The following SULT2B1 variants were observed in gnomAD, a reference collection of about 807,000 sequenced individuals.
SULT2B1 encodes sulfotransferase 2B1.
Under a neutral mutation model 33.2 loss-of-function variants are expected in SULT2B1, and 16 were observed. That is an observed-to-expected ratio of 0.48 (90% CI 0.33 to 0.73). The LOEUF is 0.73. Among genes scored for constraint, SULT2B1 ranks in the 30% least tolerant of loss-of-function variants. The pLI is 0.02. For synonymous variants in SULT2B1, 186 were observed against 200.5 expected (o/e 0.93, Z 0.61); for missense variants, 500 against 506.0 (o/e 0.99, Z 0.11).
At chr19:48,591,472 CA>C (rs374133599) in intron 3 of SULT2B1, 136 bp from the exon 4 acceptor site, 14,309 of 883,750 alleles carry the variant, frequency 0.016, no homozygotes, top group South Asian at 0.024. Context: ...GACTCCATCG[CA>C]AAAAAAAAAG....
chr19:48,575,900 T>A (rs1601098256), intron 1 of SULT2B1, 41 bp from the exon 2 acceptor site: 1 of 1,589,472 alleles, frequency 6.3e-7, no homozygotes, highest in Admixed American at 1.7e-5. Flanking sequence ...AGCACCCACC[T>A]CCCTACTCTC....
At position 48,573,128 on chromosome 19, in the gene SULT2B1, G is replaced by C. The variant is rs190188514; in HGVS notation, c.72-2813G>C. The stretch of plus-strand genomic sequence containing the variant: ...GCCGAGATCGTGTCACTGTACTCCA[G>C]CCTGGTGACAGAGCAGGACTCCATC... On this transcript the variant is annotated intron_variant, in intron 1 of 6. Transcript: ENST00000201586. Among the ~76,000 whole-genome samples the C allele has an allele frequency of 7.5e-3, 1,113 of 147,482 alleles. 12 individuals are homozygous for C. Among genetic ancestry groups the C allele is most frequent in the African/African-American group, 0.027 (1,053 of 39,454 alleles).
At chr19:48,575,054 A>G (rs116506979) in intron 1 of SULT2B1, among the ~76,000 whole-genome samples, 2,275 of 147,874 alleles carry the variant, frequency 0.015, 60 homozygotes, top group African/African-American at 0.053. Context: ...AATAATTTTA[A>G]CTCAAAGTTA....
At chr19:48,577,226 T>C (rs1270997815) in intron 2 of SULT2B1, among the ~76,000 whole-genome samples, 1 of 150,746 alleles carries the variant, frequency 6.6e-6, no homozygotes, top group Non-Finnish European at 1.5e-5. Context: ...TTATTTTATT[T>C]TTGTATTTTT....
intron 3 of SULT2B1, among the ~76,000 whole-genome samples, chr19:48,590,289 G>A (rs970160415): frequency 4.0e-5 from 6 of 151,770 alleles, no homozygotes; most frequent in Admixed American, 2.0e-4. Context: ...GTGCCTGGCC[G>A]ACAAGACCTT....
intron 1 of SULT2B1, among the ~76,000 whole-genome samples, chr19:48,571,824 T>C (rs1468674217): frequency 6.6e-6 from 1 of 151,924 alleles, no homozygotes; most frequent in Non-Finnish European, 1.5e-5. Context: ...AACAGGATGC[T>C]GTAGGGTAGC....
intron 1 of SULT2B1, among the ~76,000 whole-genome samples, chr19:48,567,253 G>A (rs772275240): frequency 1.1e-4 from 17 of 152,012 alleles, no homozygotes; most frequent in South Asian, 2.1e-4. Flanking sequence ...AGGTTCATTC[G>A]GGGATCTGGC....
At chr19:48,566,319 C>T (rs935803238) in intron 1 of SULT2B1, among the ~76,000 whole-genome samples, 2 of 151,958 alleles carry the variant, frequency 1.3e-5, no homozygotes, top group African/African-American at 4.8e-5. Flanking sequence ...ACTTTGCTTC[C>T]CATTTTGGGA....
intron 1 of SULT2B1, among the ~76,000 whole-genome samples, chr19:48,561,728 C>G (rs931493483): frequency 2.0e-5 from 3 of 152,118 alleles, no homozygotes; most frequent in African/African-American, 7.2e-5. Flanking sequence ...CTTCAAGGGA[C>G]AGAGCCAGGG....
At chr19:48,580,675 C>T (rs1322866151) in intron 2 of SULT2B1, among the ~76,000 whole-genome samples, 1 of 152,118 alleles carries the variant, frequency 6.6e-6, no homozygotes, top group Non-Finnish European at 1.5e-5. Flanking sequence ...AGGTCTTGCT[C>T]GGTTGCCCAG....
At position 48,552,563 on chromosome 19, in the gene SULT2B1, C is replaced by T. The variant is rs1189237272; in HGVS notation, c.71+240C>T. Among the ~76,000 whole-genome samples the T allele has an allele frequency of 6.6e-6, 1 of 152,108 alleles. No individual in the cohort carries two copies. The highest frequency in any genetic ancestry group is 1.5e-5 in the Non-Finnish European group (1 of 68,014). ...GTGGGGATGCCTGGGGTGTCCCTGT[C>T]GCTCTCCGGGCCTCAGTTTTTCTGT... is the stretch of plus-strand genomic sequence containing the variant. On this transcript the variant is annotated intron_variant, in intron 1 of 6. Coordinates refer to ENST00000201586, the MANE Select transcript of SULT2B1 (RefSeq NM_177973.2). This position sits in a 1 kb window ranked among gnomAD's most constrained non-coding sequence, Gnocchi z 4.8.
At chr19:48,574,680 T>A (rs1412929048) in intron 1 of SULT2B1, among the ~76,000 whole-genome samples, 1 of 152,178 alleles carries the variant, frequency 6.6e-6, no homozygotes, top group East Asian at 1.9e-4. Flanking sequence ...ATTGCTCTTA[T>A]CCTCACATGA....
intron 1 of SULT2B1, among the ~76,000 whole-genome samples, chr19:48,555,884 C>T (rs769888771): frequency 1.7e-3 from 266 of 152,156 alleles, no homozygotes; most frequent in Non-Finnish European, 2.7e-3. Flanking sequence ...GGATTACAGG[C>T]ACACTCTACC....
At chr19:48,568,543 G>A (rs1973273658) in intron 1 of SULT2B1, among the ~76,000 whole-genome samples, 1 of 152,154 alleles carries the variant, frequency 6.6e-6, no homozygotes, top group Admixed American at 6.6e-5. Context: ...TCATCCTGCT[G>A]AGAGGTTGAG....
At chr19:48,569,361 AACATAT>A (rs1389246688) in intron 1 of SULT2B1, among the ~76,000 whole-genome samples, 12 of 9,964 alleles carry the variant, frequency 1.2e-3, no homozygotes, top group African/African-American at 5.4e-3. Context: ...AAAAAAAAAA[AACATAT>A]ATATATATAT....
intron 2 of SULT2B1, among the ~76,000 whole-genome samples, chr19:48,582,740 G>A (rs1973509032): frequency 6.6e-6 from 1 of 152,076 alleles, no homozygotes; most frequent in African/African-American, 2.4e-5. Context: ...CTACTCGGAA[G>A]GCTGAGGCAT....
At chr19:48,577,128 G>C (rs184852707) in intron 2 of SULT2B1, among the ~76,000 whole-genome samples, 2 of 144,408 alleles carry the variant, frequency 1.4e-5, no homozygotes, top group African/African-American at 5.2e-5. Flanking sequence ...CTGCCTCCTG[G>C]GTTCAAGCAA....
chr19:48,587,319 C>G lies in SULT2B1; in HGVS notation c.305C>G (p.Pro102Arg). 1 of 1,613,994 alleles carries G rather than the reference C, an allele frequency of 6.2e-7. No homozygotes were observed. Among genetic ancestry groups the G allele is most frequent in the Non-Finnish European group, 8.5e-7 (1 of 1,180,002 alleles). The change falls in exon 3 of 7, where the codon CCC becomes CGC. Residue 102 changes from proline (P) to arginine (R), a missense_variant. Coordinates refer to ENST00000201586, the MANE Select transcript of SULT2B1 (RefSeq NM_177973.2). Reference sequence around the variant, plus strand: ...TCCGTGCCCATCTGGGAGCGGGCACCCTGGTGTGAGACCATTGTGGGTGCC... The same window carrying G: ...TCCGTGCCCATCTGGGAGCGGGCACGCTGGTGTGAGACCATTGTGGGTGCC... Reference protein sequence around the residue: ...IRSVPIWERAPWCETIVGAFS... With the variant: ...IRSVPIWERARWCETIVGAFS...
chr19:48,573,519 G>A (rs1200209572), intron 1 of SULT2B1, among the ~76,000 whole-genome samples: 1 of 152,148 alleles, frequency 6.6e-6, no homozygotes, highest in Admixed American at 6.6e-5. Flanking sequence ...TAGGCATGTG[G>A]GTGGGGGACA....
Sources: gnomAD v4.1 joint callset for allele counts (sites outside exome capture counted in the v4.1 genomes callset) on GRCh38, gnomAD v4.1.1 for gene constraint, Gnocchi (gnomAD v3.1) non-coding constraint, MANE v1.5 for transcripts, NCBI Gene and HGNC (gene_info 2026-07-23, HGNC 2026-07-21) for gene names.